The following ZHX2 variants were observed in gnomAD, a reference collection of about 807,000 sequenced individuals.
The protein encoded by ZHX2 is zinc fingers and homeoboxes 2, also known as zinc fingers and homeoboxes protein 2.
A neutral mutation model predicts 21.9 loss-of-function variants in ZHX2; 6 were observed. The observed-to-expected ratio is 0.27, with a 90% CI of 0.15 to 0.54. The LOEUF is 0.54. Ranked by LOEUF, ZHX2 falls within the 20% of genes least tolerant of loss-of-function variation. ZHX2 has a pLI of 0.95. For synonymous variants in ZHX2, 434 were observed against 437.1 expected (o/e 0.99, Z 0.09); for missense variants, 908 against 1,090.7 (o/e 0.83, Z 2.36).
chr8:122,816,940 C>T (rs1451173725), intron 1 of ZHX2, among the ~76,000 whole-genome samples: 1 of 151,834 alleles, frequency 6.6e-6, no homozygotes, highest in African/African-American at 2.4e-5. Flanking sequence ...CACAGTGATT[C>T]AGGGACCCAG....
chr8:122,966,844 A>AT (rs940426460), intron 3 of ZHX2, among the ~76,000 whole-genome samples: 1 of 151,720 alleles, frequency 6.6e-6, no homozygotes, highest in Admixed American at 6.6e-5. Context: ...GGCTTTGTTC[A>AT]TTTTTTTTAA....
At chr8:122,890,551 A>G (rs914563672) in intron 2 of ZHX2, among the ~76,000 whole-genome samples, 3 of 152,108 alleles carry the variant, frequency 2.0e-5, no homozygotes, top group Admixed American at 6.5e-5. Context: ...TTTATATAGT[A>G]TGGTCATTTT....
chr8:122,793,479 G>A (rs761668759), intron 1 of ZHX2, among the ~76,000 whole-genome samples: 7 of 152,300 alleles, frequency 4.6e-5, no homozygotes, highest in African/African-American at 1.4e-4. Context: ...GTGCATTGCC[G>A]TGCTCCCCAT....
At chr8:122,833,928 C>T (rs1333422922) in intron 1 of ZHX2, among the ~76,000 whole-genome samples, 3 of 151,224 alleles carry the variant, frequency 2.0e-5, no homozygotes, top group East Asian at 2.0e-4. Flanking sequence ...ACCCGGGAGG[C>T]GGAGCTTGCA....
At chr8:122,950,483 A>C (rs1813082303) in intron 2 of ZHX2, among the ~76,000 whole-genome samples, 1 of 152,166 alleles carries the variant, frequency 6.6e-6, no homozygotes, top group African/African-American at 2.4e-5. Flanking sequence ...TGCAGGGCTT[A>C]AAACCTAGAT....
chr8:122,818,356 C>G (rs996705083), intron 1 of ZHX2, among the ~76,000 whole-genome samples: 2 of 152,118 alleles, frequency 1.3e-5, no homozygotes, highest in Admixed American at 1.3e-4. Context: ...CATTCATACC[C>G]CTCGTGTCTG....
intron 1 of ZHX2, among the ~76,000 whole-genome samples, chr8:122,836,161 A>AC (rs1167239968): frequency 2.6e-5 from 4 of 151,982 alleles, no homozygotes; most frequent in Non-Finnish European, 5.9e-5. Flanking sequence ...GCTTAGAGGC[A>AC]CCCCCCTAAG....
At chr8:122,881,355 T>C (rs1469182822) in intron 2 of ZHX2, among the ~76,000 whole-genome samples, 1 of 152,184 alleles carries the variant, frequency 6.6e-6, no homozygotes, top group African/African-American at 2.4e-5. Context: ...AAATCTTAGG[T>C]TCATATTTGT....
At chr8:122,783,501 A>G (rs1242833304) in intron 1 of ZHX2, among the ~76,000 whole-genome samples, 1 of 152,012 alleles carries the variant, frequency 6.6e-6, no homozygotes, top group Non-Finnish European at 1.5e-5. Flanking sequence ...ACACACACAC[A>G]CACTTACTCA....
At chr8:122,804,587 T>G (rs1448986868) in intron 1 of ZHX2, among the ~76,000 whole-genome samples, 2 of 152,154 alleles carry the variant, frequency 1.3e-5, no homozygotes, top group African/African-American at 4.8e-5. Flanking sequence ...GTGAAAGAAT[T>G]GCTAGGCCGG....
In ZHX2 at chr8:122,790,111, T is replaced by G. The variant is rs1817482691; in HGVS notation, c.-283+8165T>G. 5.3e-5 allele frequency among the ~76,000 whole-genome samples: 8 copies of G among 152,276 alleles called. No homozygotes were observed. The South Asian group carries it at 1.5e-3, about 28-fold the overall frequency. ...TTTATGGATTTCCTGGTACAGGATATATAATGTCCTCTGGAATCACTGAAA... is the reference window on the plus strand; with the variant it reads ...TTTATGGATTTCCTGGTACAGGATAGATAATGTCCTCTGGAATCACTGAAA... On this transcript the variant is annotated intron_variant, in intron 1 of 3. Coordinates refer to ENST00000314393, the MANE Select transcript of ZHX2 (RefSeq NM_014943.5).
At chr8:122,916,709 T>C (rs1156265782) in intron 2 of ZHX2, among the ~76,000 whole-genome samples, 4 of 152,076 alleles carry the variant, frequency 2.6e-5, no homozygotes, top group Admixed American at 2.6e-4. Flanking sequence ...GAGCGTCTCT[T>C]CTCTCCTAAA....
chr8:122,953,874 G>A lies in ZHX2; in HGVS notation c.2364G>A (p.Ser788=), dbSNP rs12548759. The A allele has an allele frequency of 0.012, 20,056 of 1,614,122 alleles. 507 individuals are homozygous for A. The highest frequency in any genetic ancestry group is 0.089 in the Admixed American group (5,326 of 60,002). The change falls in exon 3 of 4, where the codon TCG becomes TCA. Residue 788 remains serine (S), a synonymous_variant. Transcript: ENST00000314393. This position sits in a 1 kb window ranked among gnomAD's most constrained non-coding sequence, Gnocchi z 4.6. ...DGQGSDENEE[S]SVVDYVEVTV... is the part of the protein sequence containing the mutation. ...AGGGTAGCGACGAGAACGAGGAGTC[G>A]AGCGTTGTGGATTACGTGGAGGTGA...
chr8:122,827,717 G>A (rs73331785), intron 1 of ZHX2, among the ~76,000 whole-genome samples: 11 of 152,350 alleles, frequency 7.2e-5, no homozygotes, highest in African/African-American at 1.9e-4. Flanking sequence ...TCTCAAGGTC[G>A]GCAGCCCTCT....
At chr8:122,945,367 C>T (rs1025718882) in intron 2 of ZHX2, among the ~76,000 whole-genome samples, 9 of 140,214 alleles carry the variant, frequency 6.4e-5, no homozygotes, top group African/African-American at 1.9e-4. Context: ...TGCACAGACA[C>T]CAGAAATGGC....
Position 122,782,145 on chromosome 8 carries a change from C to T in ZHX2, c.-283+199C>T, listed in dbSNP as rs1025580366. ...ACGGAAGGGGGGGGGTGTGCAGGCT[C>T]TTTTTGCGGGTGGGAGGAAATGAGC... On this transcript the variant is annotated intron_variant, in intron 1 of 3. Coordinates refer to ENST00000314393, the MANE Select transcript of ZHX2 (RefSeq NM_014943.5). This position sits in a 1 kb window ranked among gnomAD's most constrained non-coding sequence, Gnocchi z 5.3. Among the ~76,000 whole-genome samples, 3 of 150,226 alleles carry T rather than the reference C, an allele frequency of 2.0e-5. No homozygotes were observed. The highest frequency in any genetic ancestry group is 3.0e-5 in the Non-Finnish European group (2 of 67,536).
chr8:122,966,260 T>C (rs1245259875), intron 3 of ZHX2, among the ~76,000 whole-genome samples: 1 of 152,220 alleles, frequency 6.6e-6, no homozygotes, highest in Non-Finnish European at 1.5e-5. Flanking sequence ...ATGAGATTTA[T>C]GCTTTAAGAA....
intron 1 of ZHX2, among the ~76,000 whole-genome samples, chr8:122,816,894 A>G (rs555395177): frequency 8.5e-5 from 13 of 152,204 alleles, no homozygotes; most frequent in Non-Finnish European, 1.8e-4. Flanking sequence ...TGTTATTGCC[A>G]TAACAATTCA....
chr8:122,829,572 T>G (rs1310625389), intron 1 of ZHX2, among the ~76,000 whole-genome samples: 1 of 152,014 alleles, frequency 6.6e-6, no homozygotes, highest in African/African-American at 2.4e-5. Context: ...ATTGTAAGAG[T>G]TGGGGAAAAA....
Sources: allele counts gnomAD v4.1 joint callset (sites outside exome capture counted in the v4.1 genomes callset), GRCh38; gene constraint gnomAD v4.1.1; non-coding constraint Gnocchi (gnomAD v3.1); transcripts MANE v1.5; gene names NCBI Gene and HGNC (gene_info 2026-07-23, HGNC 2026-07-21).